Variants in PTPRG observed in about 807,000 individuals in gnomAD.
PTPRG encodes receptor-type tyrosine-protein phosphatase gamma.
A neutral mutation model predicts 165.3 loss-of-function variants in PTPRG; 102 were observed. That is an observed-to-expected ratio of 0.62 (90% CI 0.53 to 0.73). The LOEUF (loss-of-function observed/expected upper bound fraction) is 0.73. Among genes scored for constraint, PTPRG ranks in the 30% least tolerant of loss-of-function variants. The pLI, the probability that PTPRG is intolerant of heterozygous loss-of-function variation, is 0.00. For missense variants in PTPRG, 1,866 were observed against 1,861.4 expected (o/e 1.00, Z -0.05); for synonymous variants, 675 against 669.5 (o/e 1.01, Z -0.13).
chr3:62,239,333 TTTTC>T (rs938573979), intron 14 of PTPRG, among the ~76,000 whole-genome samples: 33 of 151,690 alleles, frequency 2.2e-4, no homozygotes, highest in African/African-American at 5.1e-4. Context: ...AAATTCTTTT[TTTTC>T]TTTCTTTCTT....
intron 2 of PTPRG, among the ~76,000 whole-genome samples, chr3:61,942,945 T>TCC (rs1342996165): frequency 6.6e-6 from 1 of 152,236 alleles, no homozygotes; most frequent in Admixed American, 6.5e-5. Flanking sequence ...AAGGCTAGTA[T>TCC]TCTCCCTAGG....
Position 61,621,033 on chromosome 3 carries a change from G to GTATATA in PTPRG, c.85+58675_85+58680dup, listed in dbSNP as rs368012442. On this transcript the variant is annotated intron_variant, in intron 1 of 29. Transcript: ENST00000474889. The stretch of plus-strand genomic sequence containing the variant: ...TGGACCCATGCCCCAGTGTGTGTGT[G>GTATATA]TATATATATATATATATATGTGTGT... Among the ~76,000 whole-genome samples the GTATATA allele has an allele frequency of 1.5e-4, 20 of 129,990 alleles. 1 individual carries two copies. Among genetic ancestry groups the GTATATA allele is most frequent in the South Asian group, 2.6e-4 (1 of 3,788 alleles). The allele number at this position is 129,990 out of a possible 152,430, so 85.3% of individuals were successfully genotyped here. A position where few individuals can be genotyped will look rare whatever the true frequency, so the allele number is the denominator to read the frequency against.
chr3:61,766,496 A>G (rs1575646574), intron 2 of PTPRG, among the ~76,000 whole-genome samples: 1 of 152,156 alleles, frequency 6.6e-6, no homozygotes, highest in East Asian at 1.9e-4. Context: ...CCAGATTTCT[A>G]TCTATATATT....
At chr3:62,051,620 T>A (rs1014475538) in intron 4 of PTPRG, among the ~76,000 whole-genome samples, 5 of 152,198 alleles carry the variant, frequency 3.3e-5, no homozygotes, top group Non-Finnish European at 7.3e-5. Context: ...ACATTTTCTT[T>A]AATCTACCCA....
intron 2 of PTPRG, among the ~76,000 whole-genome samples, chr3:61,886,192 G>A (rs551525528): frequency 1.7e-4 from 26 of 152,250 alleles, no homozygotes; most frequent in Middle Eastern, 6.8e-3. Flanking sequence ...CAAATCAGAA[G>A]AACTGTCTTC....
intron 1 of PTPRG, among the ~76,000 whole-genome samples, chr3:61,640,353 G>A (rs1289612611): frequency 1.3e-5 from 2 of 152,118 alleles, no homozygotes; most frequent in East Asian, 1.9e-4. Context: ...GTATACACCT[G>A]GGGCCATTTC....
chr3:62,069,427 A>C (rs1701127479), intron 4 of PTPRG, among the ~76,000 whole-genome samples: 1 of 152,158 alleles, frequency 6.6e-6, no homozygotes, highest in Non-Finnish European at 1.5e-5. Flanking sequence ...CAGGGGCTAC[A>C]TTCTCCAAGG....
intron 4 of PTPRG, among the ~76,000 whole-genome samples, chr3:62,034,664 T>G (rs976059700): frequency 3.3e-5 from 5 of 152,180 alleles, no homozygotes; most frequent in Non-Finnish European, 5.9e-5. Flanking sequence ...TATAGTCAGG[T>G]GATAAAGGCA....
chr3:62,148,518 G>A (rs1000969098), intron 6 of PTPRG, among the ~76,000 whole-genome samples: 6 of 152,314 alleles, frequency 3.9e-5, no homozygotes, highest in Non-Finnish European at 8.8e-5. Flanking sequence ...CTAGCACTTT[G>A]GGAGGCCGAG....
At chr3:61,795,890 G>C (rs1163331087) in intron 2 of PTPRG, among the ~76,000 whole-genome samples, 1 of 151,982 alleles carries the variant, frequency 6.6e-6, no homozygotes, top group African/African-American at 2.4e-5. Context: ...TCATATCTTT[G>C]GGTGGATAGT....
chr3:61,850,035 C>A (rs574369671), intron 2 of PTPRG, among the ~76,000 whole-genome samples: 19 of 152,146 alleles, frequency 1.2e-4, no homozygotes, highest in African/African-American at 4.1e-4. Flanking sequence ...ACCCCAGACC[C>A]TTCTCCCCTT....
chr3:62,060,182 A>T (rs12492078), intron 4 of PTPRG, among the ~76,000 whole-genome samples: 14,841 of 148,246 alleles, frequency 0.1, 953 homozygotes, highest in Admixed American at 0.2. Context: ...ACCGCACTCT[A>T]GCCTGAGCAA....
At chr3:61,849,534 G>A (rs955614479) in intron 2 of PTPRG, among the ~76,000 whole-genome samples, 2 of 152,154 alleles carry the variant, frequency 1.3e-5, no homozygotes, top group African/African-American at 2.4e-5. Flanking sequence ...ATTTACGCTC[G>A]CTGACTGAAG....
chr3:61,564,664 T>G (rs998846108), intron 1 of PTPRG, among the ~76,000 whole-genome samples: 8 of 152,098 alleles, frequency 5.3e-5, no homozygotes, highest in African/African-American at 1.9e-4. Flanking sequence ...ATATCAGAGC[T>G]CTGGGAGACG....
intron 2 of PTPRG, among the ~76,000 whole-genome samples, chr3:61,882,730 C>T (rs372945721): frequency 4.6e-5 from 7 of 152,282 alleles, no homozygotes; most frequent in African/African-American, 1.7e-4. Flanking sequence ...GTCTGTCTTT[C>T]CCATTGGATT....
rs759319362 is a variant in PTPRG at position 61,621,049 on chromosome 3, A to ATGTGTGTGTG, written c.85+58678_85+58679insGTGTGTGTGT. 2.0e-3 allele frequency among the ~76,000 whole-genome samples: 207 copies of ATGTGTGTGTG among 104,296 alleles called. 4 individuals are homozygous for ATGTGTGTGTG. Among genetic ancestry groups the ATGTGTGTGTG allele is most frequent in the African/African-American group, 6.7e-3 (198 of 29,664 alleles). The allele number at this position is 104,296 out of a possible 152,430, so 68.4% of individuals were successfully genotyped here. A position where few individuals can be genotyped will look rare whatever the true frequency, so the allele number is the denominator to read the frequency against. On this transcript the variant is annotated intron_variant, in intron 1 of 29. Transcript: ENST00000474889. ...TGTGTGTGTGTATATATATATATAT[A>ATGTGTGTGTG]TATGTGTGTGTGTGTGTGTGTGTGT... is the stretch of plus-strand genomic sequence containing the variant.
chr3:61,722,130 C>CA (rs147756306), intron 1 of PTPRG, among the ~76,000 whole-genome samples: 144 of 152,054 alleles, frequency 9.5e-4, no homozygotes, highest in African/African-American at 3.2e-3. Flanking sequence ...GCTGGGAAGT[C>CA]AAAGATGGAG....
chr3:62,148,573 G>C, intron 6 of PTPRG, among the ~76,000 whole-genome samples: 1 of 152,114 alleles, frequency 6.6e-6, no homozygotes, highest in East Asian at 1.9e-4. Flanking sequence ...AGACCAGCCT[G>C]GGCAACATGG....
At chr3:61,742,995 C>G in intron 1 of PTPRG, 1 of 1,541,486 alleles carries the variant, frequency 6.5e-7, no homozygotes, top group Non-Finnish European at 9.0e-7. Flanking sequence ...CATAGTTCTT[C>G]AAGCTGATCT....
Sources: allele counts gnomAD v4.1 joint callset (sites outside exome capture counted in the v4.1 genomes callset), GRCh38; gene constraint gnomAD v4.1.1; transcripts MANE v1.5; gene names NCBI Gene and HGNC (gene_info 2026-07-23, HGNC 2026-07-21).